The following HELB variants were observed in gnomAD, a reference collection of about 807,000 sequenced individuals.
HELB encodes the protein DNA helicase B, also known as DNA 5'-3' helicase B.
In HELB, 96 loss-of-function variants were observed where a neutral mutation model predicts 101.7. The ratio of observed to expected loss-of-function variants is 0.94; its 90% CI spans 0.80 to 1.12. HELB has a LOEUF of 1.12. Ranked by LOEUF, HELB falls within the 50% of genes most tolerant of loss-of-function variation. HELB has a pLI of 0.00. For synonymous variants in HELB, 437 were observed against 459.7 expected, an observed-to-expected ratio of 0.95 and a Z score of 0.63; for missense variants, 1,210 against 1,291.9, an observed-to-expected ratio of 0.94 and a Z score of 0.97.
intron 11 of HELB, among the ~76,000 whole-genome samples, chr12:66,328,671 A>G (rs1025547983): frequency 2.6e-5 from 4 of 152,260 alleles, no homozygotes; most frequent in African/African-American, 9.6e-5. Flanking sequence ...TACAAATTTT[A>G]TGAACTCTAG....
intron 9 of HELB, 68 bp downstream of exon 9, chr12:66,322,851 C>A: frequency 9.9e-7 from 1 of 1,012,642 alleles, no homozygotes; most frequent in South Asian, 1.5e-5. Flanking sequence ...TTTTTTTTTG[C>A]TTTGATGTTT....
At chr12:66,312,501 AAG>A (rs2053556043) in intron 4 of HELB, among the ~76,000 whole-genome samples, 3 of 152,186 alleles carry the variant, frequency 2.0e-5, no homozygotes. Context: ...TTATCAGTGG[AAG>A]AGTTTTCTGA....
At chr12:66,307,572 T>C (rs1243570588) in intron 3 of HELB, among the ~76,000 whole-genome samples, 1 of 152,100 alleles carries the variant, frequency 6.6e-6, no homozygotes, top group Non-Finnish European at 1.5e-5. Context: ...CAGTGTAGAA[T>C]GGAGATGCGA....
Position 66,328,343 on chromosome 12 carries a change from A to G in HELB, c.2671-2811A>G, listed in dbSNP as rs191514038. ...TTGGGAGGCTGAGGTGGGCAGGTCA[A>G]TTGAGCCCAGGAGTTCAAGACCAGC... On this transcript the variant is annotated intron_variant, in intron 11 of 12. Transcript: ENST00000247815. Among the ~76,000 whole-genome samples the G allele has an allele frequency of 3.0e-4, 46 of 152,192 alleles. 1 individual carries two copies. The highest frequency in any genetic ancestry group is 1.2e-3 in the South Asian group (6 of 4,824).
At chr12:66,315,696 T>A (rs1483191455) in intron 6 of HELB, among the ~76,000 whole-genome samples, 1 of 152,168 alleles carries the variant, frequency 6.6e-6, no homozygotes, top group African/African-American at 2.4e-5. Context: ...GATTTGGAAA[T>A]AAGTTCATTT....
At chr12:66,326,049 C>T (rs918454775) in intron 11 of HELB, among the ~76,000 whole-genome samples, 1 of 152,170 alleles carries the variant, frequency 6.6e-6, no homozygotes, top group Non-Finnish European at 1.5e-5. Flanking sequence ...TATGCATATT[C>T]GAATTGCACC....
At chr12:66,322,920 A>G (rs181117356) in intron 9 of HELB, 137 bp downstream of exon 9, 3 of 511,060 alleles carry the variant, frequency 5.9e-6, no homozygotes, top group Admixed American at 6.7e-5. Context: ...AAATAGAATG[A>G]TCTCTTCAAT....
At chr12:66,330,390 C>A (rs1170796959) in intron 11 of HELB, among the ~76,000 whole-genome samples, 1 of 151,878 alleles carries the variant, frequency 6.6e-6, no homozygotes, top group Admixed American at 6.6e-5. Context: ...ATAGGCCTTC[C>A]ATTTGGAGAC....
At chr12:66,343,580 T>C (rs909059498) in exon 14 of HELB, 6 of 152,206 alleles carry the variant, frequency 3.9e-5, no homozygotes, top group Admixed American at 2.6e-4. Flanking sequence ...TCTTCTTTAA[T>C]TCTTTGTAGT....
intron 3 of HELB, among the ~76,000 whole-genome samples, chr12:66,307,509 A>G (rs1316702713): frequency 6.6e-6 from 1 of 152,176 alleles, no homozygotes; most frequent in Non-Finnish European, 1.5e-5. Context: ...ATTATTAACA[A>G]TACACATTGT....
At position 66,309,727 on chromosome 12, in the gene HELB, C is replaced by T. The variant is rs35138454; in HGVS notation, c.799C>T (p.Leu267Phe). Residue 267 changes from leucine to phenylalanine, a missense_variant, in exon 4 of 13, where the codon CTC (leucine) becomes TTC (phenylalanine). Coordinates refer to ENST00000247815, the MANE Select transcript of HELB (RefSeq NM_001370285.1). ...AAAGATAACCTACAGAGAGTGGAAACTCCTGCGATGTGAGGCAAGTTGGAT... is the reference window on the plus strand; with the variant it reads ...AAAGATAACCTACAGAGAGTGGAAATTCCTGCGATGTGAGGCAAGTTGGAT... ...FSKITYREWK[L>F]LRCEASWIAF... is the part of the protein sequence containing the mutation. 4,618 of 1,609,592 alleles carry T rather than the reference C, an allele frequency of 2.9e-3. 118 individuals are homozygous for T. In the African/African-American group the frequency reaches 0.054, roughly 19 times the overall value.
downstream of HELB, chr12:66,340,848 T>TA (rs1225669799): frequency 1.3e-5 from 2 of 153,030 alleles, no homozygotes; most frequent in Non-Finnish European, 2.9e-5. Flanking sequence ...GGCAGCTGGT[T>TA]AGATTGTGCC....
rs111967240 is a variant in HELB, at chr12:66,325,189, T to A, written c.2670+63T>A. The A allele has an allele frequency of 1.0e-4, 121 of 1,185,594 alleles. 1 individual carries two copies. In the Middle Eastern group the frequency reaches 3.8e-3, roughly 37 times the overall value. 73.4% of individuals were successfully genotyped at this position (1,185,594 alleles called of 1,614,324 possible). On this transcript the variant is annotated intron_variant, in intron 11 of 12. Coordinates refer to ENST00000247815, the MANE Select transcript of HELB (RefSeq NM_001370285.1). ...ACCAACCTTAGAGCGCCTTGCATTG[T>A]TTTCGTAAATTTTTGTTGCACTTAT...
chr12:66,307,192 A>G (rs1309541259), intron 3 of HELB, among the ~76,000 whole-genome samples: 1 of 152,212 alleles, frequency 6.6e-6, no homozygotes, highest in Non-Finnish European at 1.5e-5. Flanking sequence ...GAATGTTTGC[A>G]GATGCTGAGT....
downstream of HELB, chr12:66,342,467 C>T (rs1354415878): frequency 6.7e-6 from 1 of 150,074 alleles, no homozygotes; most frequent in African/African-American, 2.5e-5. Flanking sequence ...TTCCGCCTCT[C>T]AGGTTCATGC....
chr12:66,321,710 G>T (rs1225583835), intron 7 of HELB: 1 of 420,724 alleles, frequency 2.4e-6, no homozygotes, highest in Non-Finnish European at 4.3e-6. Flanking sequence ...AACTGTCCTG[G>T]CCAGGGGTTG....
At chr12:66,325,707 G>A (rs936992414) in intron 11 of HELB, among the ~76,000 whole-genome samples, 2 of 152,130 alleles carry the variant, frequency 1.3e-5, no homozygotes, top group Admixed American at 6.5e-5. Context: ...TGTAAATGGT[G>A]TAATCATGTT....
chr12:66,338,113 A>C lies in HELB; in HGVS notation c.*11A>C, dbSNP rs755519248. The C allele has an allele frequency of 6.6e-6, 9 of 1,370,024 alleles. No individual in the cohort carries two copies. The highest frequency in any genetic ancestry group is 1.4e-5 in the African/African-American group (1 of 69,582). 84.9% of individuals were successfully genotyped at this position (1,370,024 alleles called of 1,614,324 possible). A position where few individuals can be genotyped will look rare whatever the true frequency, so the allele number is the denominator to read the frequency against. On this transcript the variant is annotated 3_prime_UTR_variant, in exon 13 of 13. Transcript: ENST00000247815. ...AATCAAGAAACTTAGTTTTATTTCA[A>C]ATTGTTCCGAGTAACTATGTTTTTC...
rs1454370198 is a variant in HELB, at chr12:66,305,061, C to A, written c.518C>A (p.Thr173Asn). ...ACACTAAGAACTTTCCACAAGGAAA[C>A]TGGAAGGAAAGATCAAAAGCAGCCT... Reference protein sequence around the residue: ...RETLRTFHKETGRKDQKQPTQ... With the variant: ...RETLRTFHKENGRKDQKQPTQ... The change falls in exon 2 of 13, where the codon ACT (threonine) becomes AAT (asparagine). Residue 173 changes from threonine to asparagine, a missense_variant. Physicochemically the swap from Thr to Asn is moderately conservative, Grantham distance 65. This residue lies in a region of HELB where 470 missense variants were observed against 563.1 expected (regional missense o/e 0.83). Coordinates refer to ENST00000247815, the MANE Select transcript of HELB (RefSeq NM_001370285.1). The A allele has an allele frequency of 6.2e-7, 1 of 1,611,576 alleles. No individual in the cohort carries two copies. Among genetic ancestry groups the A allele is most frequent in the African/African-American group, 1.3e-5 (1 of 74,610 alleles).
Sources: allele counts gnomAD v4.1 joint callset (sites outside exome capture counted in the v4.1 genomes callset), GRCh38; gene constraint gnomAD v4.1.1; regional missense constraint gnomAD v4.1.1; transcripts MANE v1.5; gene names NCBI Gene and HGNC (gene_info 2026-07-23, HGNC 2026-07-21).